The following CALN1 variants were observed in gnomAD, a reference collection of about 807,000 sequenced individuals.
The protein encoded by CALN1 is calneuron 1.
In CALN1, 17 loss-of-function variants were observed where a neutral mutation model predicts 30.6. That is an observed-to-expected ratio of 0.56 (90% CI 0.38 to 0.83). CALN1 has a LOEUF of 0.83. Among genes scored for constraint, CALN1 ranks in the 40% least tolerant of loss-of-function variants. The pLI, the probability that CALN1 is intolerant of heterozygous loss-of-function variation, is 0.00. For synonymous variants in CALN1, 156 were observed against 131.4 expected (o/e 1.19, Z -1.28); for missense variants, 291 against 354.9 (o/e 0.82, Z 1.45).
intron 3 of CALN1, among the ~76,000 whole-genome samples, chr7:72,160,045 G>A (rs1787987888): frequency 6.6e-6 from 1 of 152,038 alleles, no homozygotes; most frequent in Non-Finnish European, 1.5e-5. Context: ...GAAAGGCAAG[G>A]GCTTGTCTGG....
At chr7:71,996,855 A>G (rs1236842028) in intron 5 of CALN1, among the ~76,000 whole-genome samples, 1 of 152,222 alleles carries the variant, frequency 6.6e-6, no homozygotes, top group Non-Finnish European at 1.5e-5. Context: ...CAAATGAAAC[A>G]TAAGAAAATC....
At position 72,373,371 on chromosome 7, in the gene CALN1, G is replaced by A. The variant is rs566607593; in HGVS notation, c.119+29880C>T. 2.6e-5 allele frequency among the ~76,000 whole-genome samples: 4 copies of A among 152,284 alleles called. No homozygotes were observed. In the East Asian group the frequency reaches 7.7e-4, roughly 29 times the overall value. The stretch of plus-strand genomic sequence containing the variant: ...AATGGCTGAAAACTTTTCAAATTTT[G>A]CAAAATGCAGACAGTCTCCAAATTA... On this transcript the variant is annotated intron_variant, in intron 2 of 6. Transcript: ENST00000395275.
the CALN1 span, among the ~76,000 whole-genome samples, chr7:72,470,600 AT>A: frequency 4.6e-5 from 7 of 152,116 alleles, no homozygotes; most frequent in African/African-American, 1.4e-4. Context: ...AGAAGAGACA[AT>A]TTTTCTTTTC....
chr7:72,368,961 C>T (rs1804049304), intron 2 of CALN1, among the ~76,000 whole-genome samples: 1 of 151,112 alleles, frequency 6.6e-6, no homozygotes, highest in African/African-American at 2.4e-5. Context: ...ATTACAGGCA[C>T]CCGCCACCAC....
At chr7:72,442,054 C>T (rs369404159) in intron 1 of CALN1, among the ~76,000 whole-genome samples, 3 of 152,252 alleles carry the variant, frequency 2.0e-5, no homozygotes, top group East Asian at 3.9e-4. Flanking sequence ...ATCCTCGACT[C>T]ATCTCACACA....
intron 4 of CALN1, among the ~76,000 whole-genome samples, chr7:72,082,012 A>C (rs961355738): frequency 2.0e-5 from 3 of 151,608 alleles, no homozygotes; most frequent in African/African-American, 7.3e-5. Flanking sequence ...TTTGAGACAG[A>C]GTCTTGCTCT....
chr7:72,195,636 T>C (rs1157595211), intron 3 of CALN1, among the ~76,000 whole-genome samples: 2 of 152,060 alleles, frequency 1.3e-5, no homozygotes, highest in South Asian at 4.1e-4. Context: ...CTACTTAGCC[T>C]CCCAAAGCAC....
chr7:72,196,594 T>C (rs1791021063), intron 3 of CALN1, among the ~76,000 whole-genome samples: 1 of 152,190 alleles, frequency 6.6e-6, no homozygotes, highest in African/African-American at 2.4e-5. Context: ...CATATGTAGA[T>C]TCAAATATAA....
In CALN1 at chr7:71,813,308, G is replaced by A. The variant is rs547653445; in HGVS notation, c.502-2816C>T. Among the ~76,000 whole-genome samples the A allele has an allele frequency of 5.9e-5, 9 of 152,254 alleles. No homozygotes were observed. The South Asian group carries it at 1.9e-3, about 32-fold the overall frequency. On this transcript the variant is annotated intron_variant, in intron 5 of 6. Transcript: ENST00000395275. ...AATACTCTGGCTTCAGCCTCCCAAA[G>A]TGCTGAGATTACAGGCACTGCACCA...
the CALN1 span, among the ~76,000 whole-genome samples, chr7:72,497,862 G>A: frequency 6.6e-6 from 1 of 152,210 alleles, no homozygotes; most frequent in Non-Finnish European, 1.5e-5. Flanking sequence ...GGCAACCCAT[G>A]TGTTGGTATT....
intron 2 of CALN1, among the ~76,000 whole-genome samples, chr7:72,387,211 A>AGGG (rs1805263210): frequency 8.6e-6 from 1 of 116,270 alleles, no homozygotes; most frequent in African/African-American, 3.1e-5. Flanking sequence ...GGAGGGAGGG[A>AGGG]AGGAAGGAAG....
intron 3 of CALN1, among the ~76,000 whole-genome samples, chr7:72,230,323 C>G (rs1390316314): frequency 1.5e-5 from 2 of 135,572 alleles, no homozygotes; most frequent in Non-Finnish European, 3.1e-5. Context: ...TGGCGAAACT[C>G]TGTCTCTACA....
chr7:72,504,250 G>A, the CALN1 span, among the ~76,000 whole-genome samples: 3,290 of 152,156 alleles, frequency 0.022, 124 homozygotes, highest in South Asian at 0.1. Flanking sequence ...CCCTCTCCCC[G>A]GTGAGTCTAT....
intron 3 of CALN1, among the ~76,000 whole-genome samples, chr7:72,120,820 C>G (rs533162722): frequency 6.6e-6 from 1 of 152,168 alleles, no homozygotes; most frequent in East Asian, 1.9e-4. Context: ...AAAAGGCCTG[C>G]AGGGTGATCG....
intron 2 of CALN1, among the ~76,000 whole-genome samples, chr7:72,296,111 T>C (rs1406704304): frequency 6.6e-6 from 1 of 152,058 alleles, no homozygotes; most frequent in African/African-American, 2.4e-5. Flanking sequence ...TCTGCATCTA[T>C]TGAGATAATC....
chr7:72,084,355 C>T (rs908872392), intron 4 of CALN1, among the ~76,000 whole-genome samples: 1 of 151,714 alleles, frequency 6.6e-6, no homozygotes, highest in Non-Finnish European at 1.5e-5. Context: ...AAAGCTAAAA[C>T]CATAAATCTT....
At chr7:71,809,866 G>A (rs1453834317) in intron 6 of CALN1, among the ~76,000 whole-genome samples, 1 of 151,548 alleles carries the variant, frequency 6.6e-6, no homozygotes, top group Non-Finnish European at 1.5e-5. Flanking sequence ...GAACATAGAG[G>A]TCATCCATTC....
At chr7:72,469,578 T>C in the CALN1 span, among the ~76,000 whole-genome samples, 1 of 152,036 alleles carries the variant, frequency 6.6e-6, no homozygotes, top group Non-Finnish European at 1.5e-5. Flanking sequence ...TTTGTATTTG[T>C]AGTAGAGACA....
chr7:72,472,127 A>G, the CALN1 span, among the ~76,000 whole-genome samples: 1 of 152,124 alleles, frequency 6.6e-6, no homozygotes, highest in African/African-American at 2.4e-5. Flanking sequence ...GGTAAACAGA[A>G]TGCTGCTCCT....
Sources: allele counts gnomAD v4.1 joint callset (sites outside exome capture counted in the v4.1 genomes callset), GRCh38; gene constraint gnomAD v4.1.1; transcripts MANE v1.5; gene names NCBI Gene and HGNC (gene_info 2026-07-23, HGNC 2026-07-21).